PCDH18: variants seen among roughly 807,000 people sequenced by gnomAD.
PCDH18 encodes the protein protocadherin 18, also known as protocadherin-18.
Under a neutral mutation model 71.5 loss-of-function variants are expected in PCDH18, and 38 were observed. That is an observed-to-expected ratio of 0.53 (90% confidence interval 0.41 to 0.70). The LOEUF is 0.70. Among genes scored for constraint, PCDH18 ranks in the 30% least tolerant of loss-of-function variants. The pLI is 0.00. For missense variants in PCDH18, 1,334 were observed against 1,384.6 expected (o/e 0.96, Z 0.58); for synonymous variants, 565 against 505.4 (o/e 1.12, Z -1.58).
chr4:137,532,093 C>A lies in PCDH18; in HGVS notation c.-5G>T. On this transcript the variant is annotated 5_prime_UTR_variant, in exon 1 of 4. Transcript: ENST00000344876. ...TTTAGCATTCATTTGGTGCATTGGT[C>A]AGTTTATGAGATTTCCCTCACAGAG... is the stretch of plus-strand genomic sequence containing the variant. The A allele has an allele frequency of 6.2e-7, 1 of 1,604,246 alleles. No individual in the cohort carries two copies. Among genetic ancestry groups the A allele is most frequent in the South Asian group, 1.1e-5 (1 of 89,902 alleles).
rs996552026 is a variant in PCDH18, at chr4:137,520,407, C to T, written c.*622G>A. 6.6e-6 allele frequency: 1 copy of T among 152,136 alleles called. No homozygotes were observed. The highest frequency in any genetic ancestry group is 2.4e-5 in the African/African-American group (1 of 41,434). 9.4% of individuals were successfully genotyped at this position (152,136 alleles called of 1,614,324 possible). On this transcript the variant is annotated 3_prime_UTR_variant, in exon 4 of 4. Coordinates refer to ENST00000344876, the MANE Select transcript of PCDH18 (RefSeq NM_019035.5). ...TTTTCATCATTGTCTATAAAAAGTTCATTTGAGATAGTCATCTAATAAATA... is the reference window on the plus strand; with the variant it reads ...TTTTCATCATTGTCTATAAAAAGTTTATTTGAGATAGTCATCTAATAAATA...
intron 3 of PCDH18, among the ~76,000 whole-genome samples, chr4:137,521,964 G>T (rs1019877874): frequency 1.3e-5 from 2 of 152,070 alleles, no homozygotes; most frequent in African/African-American, 4.8e-5. Flanking sequence ...ATAATGATAA[G>T]ATGGGTTGAT....
rs764599479 is a variant in PCDH18 at position 137,530,644 on chromosome 4, G to T, written c.1445C>A (p.Ala482Glu). The T allele has an allele frequency of 1.2e-6, 2 of 1,613,550 alleles. No individual in the cohort carries two copies. Among genetic ancestry groups the T allele is most frequent in the African/African-American group, 1.3e-5 (1 of 74,884 alleles). ...FVISENNSPG[A>E]YITTVTATDP... ...TGTGGCTGTAACAGTGGTGATATAT[G>T]CCCCTGGTGAGTTATTTTCTGAAAT... The change falls in exon 1 of 4, where the codon GCA becomes GAA. Residue 482 changes from alanine (A) to glutamate (E), a missense_variant. Around this residue, in one of 3 missense-constraint regions of PCDH18, gnomAD observed 1,011 missense variants for 1,048.0 expected, o/e 0.96. Coordinates refer to ENST00000344876, the MANE Select transcript of PCDH18 (RefSeq NM_019035.5).
At position 137,530,011 on chromosome 4, in the gene PCDH18, T is replaced by C; in HGVS notation, c.2078A>G (p.Gln693Arg). 1 of 1,614,126 alleles carries C rather than the reference T, an allele frequency of 6.2e-7. No individual in the cohort carries two copies. The highest frequency in any genetic ancestry group is 1.1e-5 in the South Asian group (1 of 91,082). ...TATCATGGAGACATCCAAGGATGCCTGGCTTACTGAAGTCATTGCTGTACT... is the reference window on the plus strand; with the variant it reads ...TATCATGGAGACATCCAAGGATGCCCGGCTTACTGAAGTCATTGCTGTACT... ...VTSTAMTSVS[Q>R]ASLDVSMIII... is the part of the protein sequence containing the mutation. Residue 693 changes from glutamine to arginine, a missense_variant, in exon 1 of 4, where the codon CAG becomes CGG. This residue lies in a region of PCDH18 where 1,011 missense variants were observed against 1,048.0 expected (regional missense o/e 0.96). Transcript: ENST00000344876.
intron 3 of PCDH18, 47 bp downstream of exon 3, chr4:137,528,431 G>A (rs939899276): frequency 6.6e-7 from 1 of 1,525,608 alleles, no homozygotes; most frequent in Non-Finnish European, 9.0e-7. Context: ...TTTTACTGGT[G>A]TCACGGTAGA....
In PCDH18 at chr4:137,529,658, T is replaced by C; in HGVS notation, c.2431A>G (p.Asn811Asp). Residue 811 changes from asparagine (N) to aspartate (D), a missense_variant, in exon 1 of 4, where the codon AAC becomes GAC. By Grantham distance (23) the Asn-to-Asp change is conservative. Coordinates refer to ENST00000344876, the MANE Select transcript of PCDH18 (RefSeq NM_019035.5). The part of the protein sequence containing the change: ...SLNSLVTISS[N>D]HVPENFSLEL... ...AATGAGAAATTCTCTGGCACGTGGT[T>C]TGATGAGATTGTCACCAAACTGTTG... 6.2e-7 allele frequency: 1 copy of C among 1,613,604 alleles called. No homozygotes were observed. The highest frequency in any genetic ancestry group is 8.5e-7 in the Non-Finnish European group (1 of 1,179,726).
chr4:137,530,646 C>T lies in PCDH18; in HGVS notation c.1443G>A (p.Gly481=). The change falls in exon 1 of 4, where the codon GGG becomes GGA. Residue 481 remains glycine (G), a synonymous_variant. Transcript: ENST00000344876. ...TGGCTGTAACAGTGGTGATATATGC[C>T]CCTGGTGAGTTATTTTCTGAAATTA... The part of the protein sequence containing the change: ...EFVISENNSP[G]AYITTVTATD... 1.9e-6 allele frequency: 3 copies of T among 1,613,642 alleles called. No individual in the cohort carries two copies. Among genetic ancestry groups the T allele is most frequent in the Non-Finnish European group, 2.5e-6 (3 of 1,179,840 alleles).
In PCDH18 at chr4:137,529,776, G is replaced by T; in HGVS notation, c.2313C>A (p.Ile771=). Residue 771 remains isoleucine, a synonymous_variant, in exon 1 of 4, where the codon ATC becomes ATA. Coordinates refer to ENST00000344876, the MANE Select transcript of PCDH18 (RefSeq NM_019035.5). Reference sequence around the variant, plus strand: ...ATGGAGACGATCTGTGATGAGATCTGATGGGCAGAGTGCCATTTATGGTAG... The same window carrying T: ...ATGGAGACGATCTGTGATGAGATCTTATGGGCAGAGTGCCATTTATGGTAG... The part of the protein sequence containing the change: ...LVPTINGTLP[I]RSHHRSSPSS... 1 of 1,613,814 alleles carries T rather than the reference G, an allele frequency of 6.2e-7. No homozygotes were observed. The highest frequency in any genetic ancestry group is 8.5e-7 in the Non-Finnish European group (1 of 1,179,808).
At chr4:137,524,596 A>G (rs1266784511) in intron 3 of PCDH18, among the ~76,000 whole-genome samples, 1 of 152,190 alleles carries the variant, frequency 6.6e-6, no homozygotes, top group Non-Finnish European at 1.5e-5. Context: ...ATGAGAAGCC[A>G]GCTTTTCAGG....
intron 3 of PCDH18, among the ~76,000 whole-genome samples, chr4:137,524,381 C>A (rs1200845143): frequency 6.6e-6 from 1 of 152,038 alleles, no homozygotes; most frequent in African/African-American, 2.4e-5. Flanking sequence ...AACAATAGCA[C>A]CCTGCCCTCA....
intron 1 of PCDH18, 24 bp from the exon 2 acceptor site, chr4:137,528,844 G>C: frequency 6.5e-7 from 1 of 1,531,248 alleles, no homozygotes; most frequent in Non-Finnish European, 9.0e-7. Flanking sequence ...AGACAGAACT[G>C]ATTCCCGGAA....
rs771305323 is a variant in PCDH18 at position 137,528,461 on chromosome 4, T to C, written c.2740+17A>G. 6.2e-7 allele frequency: 1 copy of C among 1,606,192 alleles called. No individual in the cohort carries two copies. The highest frequency in any genetic ancestry group is 2.2e-5 in the East Asian group (1 of 44,798). On this transcript the variant is annotated intron_variant, in intron 3 of 3. Coordinates refer to ENST00000344876, the MANE Select transcript of PCDH18 (RefSeq NM_019035.5). The stretch of plus-strand genomic sequence containing the variant: ...GGTAGACCTGAAAATAAAGATTTTC[T>C]ATCACTACCCTCTTACCTGCTGGAA...
rs1415078620 is a variant in PCDH18, at chr4:137,530,372, CGTT to C, written c.1714_1716del (p.Asn572del). ...AATGCAGGCCCTATAACCACAGGAA[CGTT>C]GTCATTTTCGTCAATGATGGTGAGC... is the stretch of plus-strand genomic sequence containing the variant. On this transcript the variant is annotated inframe_deletion, in exon 1 of 4. Coordinates refer to ENST00000344876, the MANE Select transcript of PCDH18 (RefSeq NM_019035.5). 6.2e-7 allele frequency: 1 copy of C among 1,613,932 alleles called. No homozygotes were observed. The highest frequency in any genetic ancestry group is 1.3e-5 in the African/African-American group (1 of 74,894).
At position 137,530,550 on chromosome 4, in the gene PCDH18, G is replaced by C. The variant is rs1194641167; in HGVS notation, c.1539C>G (p.Ser513=). ...TILESFILGS[S]ITTYVTIDPS... is the part of the protein sequence containing the mutation. ...GGTCAATGGTTACATATGTAGTTAT[G>C]GAACTTCCTAGAATAAAACTCTCCA... The change falls in exon 1 of 4, where the codon TCC becomes TCG. Residue 513 remains serine (S), a synonymous_variant. Transcript: ENST00000344876. 1 of 1,613,950 alleles carries C rather than the reference G, an allele frequency of 6.2e-7. No homozygotes were observed. The highest frequency in any genetic ancestry group is 1.1e-5 in the South Asian group (1 of 91,068).
chr4:137,528,895 A>C lies in PCDH18; in HGVS notation c.2488-75T>G, dbSNP rs185305401. On this transcript the variant is annotated intron_variant, in intron 1 of 3. Transcript: ENST00000344876. The stretch of plus-strand genomic sequence containing the variant: ...CTCACAATCTTTAAGCAAGAAAAAC[A>C]GTTGCTTGCTATTTCAACTAAGTAA... The C allele has an allele frequency of 4.1e-4, 412 of 1,003,886 alleles. 1 individual carries two copies. In the East Asian group the frequency reaches 5.3e-3, roughly 13 times the overall value. 62.2% of individuals were successfully genotyped at this position (1,003,886 alleles called of 1,614,324 possible). A position where few individuals can be genotyped will look rare whatever the true frequency, so the allele number is the denominator to read the frequency against.
chr4:137,531,672 T>C lies in PCDH18; in HGVS notation c.417A>G (p.Arg139=), dbSNP rs757419773. ...DINDNSPQFS[R]SLIPIEISES... ...CAGATATCTCAATAGGTATGAGAGA[T>C]CTTGAAAACTGGGGAGAATTGTCAT... Residue 139 remains arginine (R), a synonymous_variant, in exon 1 of 4, where the codon AGA becomes AGG. Coordinates refer to ENST00000344876, the MANE Select transcript of PCDH18 (RefSeq NM_019035.5). 6 of 1,614,004 alleles carry C rather than the reference T, an allele frequency of 3.7e-6. No individual in the cohort carries two copies. In the African/African-American group the frequency reaches 8.0e-5, roughly 22 times the overall value.
chr4:137,532,276 C>T lies in PCDH18; in HGVS notation c.-188G>A. On this transcript the variant is annotated 5_prime_UTR_variant, in exon 1 of 4. Transcript: ENST00000344876. ...ACACCGTGTCACGACTTCCAGATACCTTCGGCATGGAGTCCAGTCCTTGCG... is the reference window on the plus strand; with the variant it reads ...ACACCGTGTCACGACTTCCAGATACTTTCGGCATGGAGTCCAGTCCTTGCG... 1 of 705,042 alleles carries T rather than the reference C, an allele frequency of 1.4e-6. No individual in the cohort carries two copies. Among genetic ancestry groups the T allele is most frequent in the Non-Finnish European group, 2.6e-6 (1 of 386,682 alleles). 43.7% of individuals were successfully genotyped at this position (705,042 alleles called of 1,614,324 possible).
rs766889044 is a variant in PCDH18 at position 137,531,147 on chromosome 4, A to G, written c.942T>C (p.Tyr314=). 3.7e-6 allele frequency: 6 copies of G among 1,613,770 alleles called. No homozygotes were observed. The highest frequency in any genetic ancestry group is 3.4e-6 in the Non-Finnish European group (4 of 1,179,722). Residue 314 remains tyrosine, a synonymous_variant, in exon 1 of 4, where the codon TAT becomes TAC. Coordinates refer to ENST00000344876, the MANE Select transcript of PCDH18 (RefSeq NM_019035.5). ...GHLTLFKQVD[Y]EITKSYEIDV... ...CAATCTCATAGGATTTGGTGATTTC[A>G]TAATCCACTTGCTTGAAAAGAGTCA... is the stretch of plus-strand genomic sequence containing the variant.
chr4:137,530,025 C>T lies in PCDH18; in HGVS notation c.2064G>A (p.Met688Ile). ...CCAAGGATGCCTGGCTTACTGAAGTCATTGCTGTACTTGTCACCGACTCTG... is the reference window on the plus strand; with the variant it reads ...CCAAGGATGCCTGGCTTACTGAAGTTATTGCTGTACTTGTCACCGACTCTG... ...EYAESVTSTA[M>I]TSVSQASLDV... The change falls in exon 1 of 4, where the codon ATG becomes ATA. Residue 688 changes from methionine (M) to isoleucine (I), a missense_variant. Physicochemically the swap from Met to Ile is conservative, Grantham distance 10 (BLOSUM62 1). This residue lies in a region of PCDH18 where 1,011 missense variants were observed against 1,048.0 expected (regional missense o/e 0.96). Coordinates refer to ENST00000344876, the MANE Select transcript of PCDH18 (RefSeq NM_019035.5). 1 of 1,614,084 alleles carries T rather than the reference C, an allele frequency of 6.2e-7. No homozygotes were observed. The highest frequency in any genetic ancestry group is 1.3e-5 in the African/African-American group (1 of 75,042).
Sources: allele counts gnomAD v4.1 joint callset (sites outside exome capture counted in the v4.1 genomes callset), GRCh38; gene constraint gnomAD v4.1.1; regional missense constraint gnomAD v4.1.1; transcripts MANE v1.5; gene names NCBI Gene and HGNC (gene_info 2026-07-23, HGNC 2026-07-21).